The following IL16 variants were observed in gnomAD, a reference collection of about 807,000 sequenced individuals.
IL16 encodes pro-interleukin-16.
IL16 carries 67 observed loss-of-function variants against 110.1 expected under a neutral mutation model. The observed-to-expected ratio is 0.61, with a 90% CI of 0.50 to 0.75. The LOEUF is 0.75. Among genes scored for constraint, IL16 ranks in the 30% least tolerant of loss-of-function variants. The pLI, the probability that IL16 is intolerant of heterozygous loss-of-function variation, is 0.00. For synonymous variants in IL16, 689 were observed against 662.9 expected (o/e 1.04, Z -0.61); for missense variants, 1,545 against 1,655.0 (o/e 0.93, Z 1.15).
intron 1 of IL16, among the ~76,000 whole-genome samples, chr15:81,186,546 A>G (rs1895422441): frequency 6.6e-6 from 1 of 152,258 alleles, no homozygotes; most frequent in Non-Finnish European, 1.5e-5. Context: ...CTGAACCACC[A>G]GTCTTACCAA....
intron 1 of IL16, among the ~76,000 whole-genome samples, chr15:81,206,120 A>G (rs1038806579): frequency 6.6e-6 from 1 of 152,344 alleles, no homozygotes. Context: ...CTTGAATTCT[A>G]TGACTTACAA....
chr15:81,249,458 T>C (rs2142139008), intron 2 of IL16, among the ~76,000 whole-genome samples: 1 of 152,314 alleles, frequency 6.6e-6, no homozygotes, highest in African/African-American at 2.4e-5. Flanking sequence ...TTTTTGAAGA[T>C]ATTTTAGCTG....
At chr15:81,284,565 A>G (rs183875306) in intron 9 of IL16, among the ~76,000 whole-genome samples, 17 of 152,312 alleles carry the variant, frequency 1.1e-4, no homozygotes, top group African/African-American at 3.4e-4. Context: ...ATCTGGTGCT[A>G]TACAACCATG....
Position 81,282,880 on chromosome 15 carries a change from C to T in IL16, c.1199+124C>T, listed in dbSNP as rs368872985. 3.3e-5 allele frequency: 27 copies of T among 806,504 alleles called. No individual in the cohort carries two copies. In the East Asian group the frequency reaches 3.4e-4, roughly 10 times the overall value. 50.0% of individuals were successfully genotyped at this position (806,504 alleles called of 1,614,324 possible). On this transcript the variant is annotated intron_variant, in intron 9 of 18. Transcript: ENST00000683961. ...GAATGATCTTGTGGTGGAGATCAGC[C>T]GCTCCGCCCGCCAGGACACCCCCTG...
chr15:81,275,189 G>C (rs765361422), intron 6 of IL16, among the ~76,000 whole-genome samples: 1 of 151,628 alleles, frequency 6.6e-6, no homozygotes, highest in African/African-American at 2.4e-5. Context: ...GTGTAGGTTT[G>C]AGTGGCAGAA....
chr15:81,296,009 G>A (rs1365197185), intron 12 of IL16, among the ~76,000 whole-genome samples: 1 of 152,152 alleles, frequency 6.6e-6, no homozygotes, highest in Non-Finnish European at 1.5e-5. Flanking sequence ...ATCAAATACA[G>A]GTGGCATCAT....
intron 1 of IL16, among the ~76,000 whole-genome samples, chr15:81,201,222 G>A (rs1451603264): frequency 6.7e-6 from 1 of 149,780 alleles, no homozygotes; most frequent in East Asian, 1.9e-4. Flanking sequence ...TAAAAGACAT[G>A]ATATGTAATT....
At chr15:81,206,080 AG>A (rs2141972495) in intron 1 of IL16, among the ~76,000 whole-genome samples, 1 of 152,372 alleles carries the variant, frequency 6.6e-6, no homozygotes, top group South Asian at 2.1e-4. Context: ...AGATTTTTTC[AG>A]ATTAATTAGA....
At chr15:81,196,691 G>C (rs1281893907), upstream of IL16, among the ~76,000 whole-genome samples, 1 of 152,256 alleles carries the variant, frequency 6.6e-6, no homozygotes, top group African/African-American at 2.4e-5. Flanking sequence ...GAACCTCACT[G>C]TGGTTCTGTG....
At chr15:81,225,878 G>A (rs1337525106) in intron 2 of IL16, among the ~76,000 whole-genome samples, 167 bp downstream of exon 2, 1 of 152,214 alleles carries the variant, frequency 6.6e-6, no homozygotes, top group Non-Finnish European at 1.5e-5. Flanking sequence ...GTAACAATGA[G>A]TATGGGAGTG....
At chr15:81,300,580 T>A in intron 14 of IL16, 105 bp downstream of exon 14, 1 of 696,514 alleles carries the variant, frequency 1.4e-6, no homozygotes, top group Non-Finnish European at 2.3e-6. Flanking sequence ...TTCCCAGATA[T>A]ATTGATTAAA....
chr15:81,214,888 ATTCT>A (rs1896371014), intron 1 of IL16, among the ~76,000 whole-genome samples: 1 of 152,088 alleles, frequency 6.6e-6, no homozygotes, highest in Admixed American at 6.5e-5. Flanking sequence ...GAGCTCTGAG[ATTCT>A]TTCCTCAGCT....
At position 81,299,994 on chromosome 15, in the gene IL16, G is replaced by C; in HGVS notation, c.2668G>C (p.Gly890Arg). The C allele has an allele frequency of 6.3e-7, 1 of 1,592,718 alleles. No homozygotes were observed. Among genetic ancestry groups the C allele is most frequent in the Non-Finnish European group, 8.6e-7 (1 of 1,168,972 alleles). The change falls in exon 14 of 19, where the codon GGG becomes CGG. Residue 890 changes from glycine (G) to arginine (R), a missense_variant. Transcript: ENST00000683961. The part of the protein sequence containing the change: ...EGRFSGLLGR[G>R]AAPTLVPQQP... ...ACGGTTTTCTGGACTCTTGGGGCGA[G>C]GGGCTGCACCCACTCTTGTGCCCCA...
intron 12 of IL16, among the ~76,000 whole-genome samples, chr15:81,294,753 G>A (rs913661338): frequency 6.6e-6 from 1 of 152,110 alleles, no homozygotes; most frequent in African/African-American, 2.4e-5. Flanking sequence ...TAATTTTATT[G>A]GGCACTGGAG....
At chr15:81,302,204 A>C (rs1490302116) in intron 15 of IL16, 1 of 152,284 alleles carries the variant, frequency 6.6e-6, no homozygotes, top group Non-Finnish European at 1.5e-5. Context: ...CTCGTTTTCC[A>C]TACAAGGAGG....
chr15:81,192,764 G>A (rs770462002), upstream of IL16, among the ~76,000 whole-genome samples: 273 of 152,322 alleles, frequency 1.8e-3, no homozygotes, highest in Non-Finnish European at 3.2e-3. Flanking sequence ...CCAGTTAGAA[G>A]GTGAAAGCTA....
intron 5 of IL16, among the ~76,000 whole-genome samples, chr15:81,270,884 A>G (rs1158419111): frequency 6.6e-6 from 1 of 152,226 alleles, no homozygotes; most frequent in African/African-American, 2.4e-5. Context: ...TGATGAGTTC[A>G]GAAATAAAGC....
At chr15:81,235,698 A>T (rs1897156723) in intron 2 of IL16, among the ~76,000 whole-genome samples, 1 of 152,168 alleles carries the variant, frequency 6.6e-6, no homozygotes, top group African/African-American at 2.4e-5. Flanking sequence ...ATGTTTTACG[A>T]CACGGTGGAG....
At chr15:81,277,759 C>T (rs1397219584) in intron 6 of IL16, among the ~76,000 whole-genome samples, 1 of 152,138 alleles carries the variant, frequency 6.6e-6, no homozygotes, top group Non-Finnish European at 1.5e-5. Flanking sequence ...AAGGATGGAT[C>T]ATATACAATG....
Sources: gnomAD v4.1 joint callset for allele counts (sites outside exome capture counted in the v4.1 genomes callset) on GRCh38, gnomAD v4.1.1 for gene constraint, MANE v1.5 for transcripts, NCBI Gene and HGNC (gene_info 2026-07-23, HGNC 2026-07-21) for gene names.